NUMB: variants seen among roughly 807,000 people sequenced by gnomAD.
The protein encoded by NUMB is protein numb homolog.
A neutral mutation model predicts 59.7 loss-of-function variants in NUMB; 29 were observed. That is an observed-to-expected ratio of 0.49 (90% CI 0.36 to 0.66). The LOEUF (loss-of-function observed/expected upper bound fraction) is 0.66. NUMB is among the 30% of genes least tolerant of loss of function. The probability of loss-of-function intolerance (pLI) is 0.00; values close to 1 mark genes in which losing one functional copy is unlikely to be tolerated. For missense variants in NUMB, 723 were observed against 822.0 expected, an observed-to-expected ratio of 0.88 and a Z score of 1.47; for synonymous variants, 288 against 288.2, an observed-to-expected ratio of 1.00 and a Z score of 0.01.
chr14:73,314,434 CATCA>C, intron 6 of NUMB, among the ~76,000 whole-genome samples: 1 of 143,618 alleles, frequency 7.0e-6, no homozygotes, highest in South Asian at 2.2e-4. Flanking sequence ...CATACAAATT[CATCA>C]TGTAGCAAAA....
intron 9 of NUMB, chr14:73,284,983 G>A (rs1295950500): frequency 6.6e-6 from 1 of 152,176 alleles, no homozygotes; most frequent in African/African-American, 2.4e-5. Flanking sequence ...AAGTAGCTGG[G>A]ATTACAGGTG....
intron 1 of NUMB, among the ~76,000 whole-genome samples, chr14:73,413,077 T>A (rs1180004080): frequency 4.0e-5 from 6 of 150,914 alleles, no homozygotes; most frequent in Admixed American, 4.0e-4. Flanking sequence ...TATTTTTATT[T>A]TTATTATTTA....
chr14:73,326,028 G>A (rs1021007176), intron 4 of NUMB, among the ~76,000 whole-genome samples: 3 of 152,066 alleles, frequency 2.0e-5, no homozygotes, highest in African/African-American at 7.2e-5. Flanking sequence ...GGTAGTGCAG[G>A]CCAACCAGAG....
At chr14:73,391,498 A>G (rs1895852708) in intron 2 of NUMB, among the ~76,000 whole-genome samples, 1 of 152,146 alleles carries the variant, frequency 6.6e-6, no homozygotes. Context: ...TTGATTGTCA[A>G]TAATAAAATC....
chr14:73,360,816 A>AC (rs1338374607), intron 3 of NUMB, among the ~76,000 whole-genome samples: 2 of 152,102 alleles, frequency 1.3e-5, no homozygotes, highest in Non-Finnish European at 2.9e-5. Flanking sequence ...TCTTTATTAT[A>AC]CTACTCTTTT....
chr14:73,345,721 A>T (rs1892882976), intron 4 of NUMB, among the ~76,000 whole-genome samples: 1 of 152,078 alleles, frequency 6.6e-6, no homozygotes, highest in Non-Finnish European at 1.5e-5. Context: ...CAGCCTGGCC[A>T]ACATGGTAAA....
chr14:73,450,350 C>G (rs1416210436), intron 1 of NUMB, among the ~76,000 whole-genome samples: 4 of 152,184 alleles, frequency 2.6e-5, no homozygotes, highest in Non-Finnish European at 4.4e-5. Flanking sequence ...TGAATTTTGT[C>G]CATTCTGTCA....
intron 11 of NUMB, among the ~76,000 whole-genome samples, chr14:73,281,246 CT>C (rs571076306): frequency 0.16 from 23,346 of 145,686 alleles, 2,559 homozygotes; most frequent in Non-Finnish European, 0.24. Flanking sequence ...CTCTGAGCCT[CT>C]TTTTTTTTTT....
chr14:73,395,218 TACACAC>T (rs980459591), intron 2 of NUMB, among the ~76,000 whole-genome samples: 59 of 147,164 alleles, frequency 4.0e-4, no homozygotes, highest in Non-Finnish European at 6.2e-5. Flanking sequence ...CACACACACA[TACACAC>T]ACACTCTCTA....
intron 1 of NUMB, among the ~76,000 whole-genome samples, chr14:73,446,604 CAAAA>C (rs1281721972): frequency 2.0e-5 from 2 of 97,588 alleles, no homozygotes; most frequent in African/African-American, 3.4e-5. Context: ...GACTTTGTCT[CAAAA>C]AAAAAAAAAA....
chr14:73,323,379 A>C (rs1227398234), intron 4 of NUMB, 175 bp from the exon 5 acceptor site: 1 of 519,896 alleles, frequency 1.9e-6, no homozygotes, highest in African/African-American at 2.0e-5. Flanking sequence ...ACCTGTATTG[A>C]AATTCCTACA....
At chr14:73,372,447 A>ATATACATATAT (rs1894757481) in intron 2 of NUMB, among the ~76,000 whole-genome samples, 1 of 147,042 alleles carries the variant, frequency 6.8e-6, no homozygotes, top group Non-Finnish European at 1.5e-5. Context: ...CTATATGAAA[A>ATATACATATAT]TATACATATA....
intron 3 of NUMB, among the ~76,000 whole-genome samples, chr14:73,363,082 G>T (rs138379750): frequency 1.3e-3 from 195 of 152,256 alleles, no homozygotes; most frequent in African/African-American, 4.3e-3. Flanking sequence ...GATCACCTGA[G>T]GTCAGAAGTT....
intron 2 of NUMB, among the ~76,000 whole-genome samples, chr14:73,372,112 A>T (rs2140057508): frequency 6.6e-6 from 1 of 150,672 alleles, no homozygotes; most frequent in East Asian, 1.9e-4. Context: ...AGGAGCCTGT[A>T]ATCTCAACTA....
At chr14:73,426,313 GGCCTCTGAAGCCA>G (rs1258888964) in intron 1 of NUMB, among the ~76,000 whole-genome samples, 1 of 152,280 alleles carries the variant, frequency 6.6e-6, no homozygotes, top group East Asian at 1.9e-4. Context: ...AAAGTGGTAA[GGCCTCTGAAGCCA>G]GAGGCCTACT....
At chr14:73,373,776 C>T (rs1894815732) in intron 2 of NUMB, among the ~76,000 whole-genome samples, 4 of 149,820 alleles carry the variant, frequency 2.7e-5, no homozygotes, top group Non-Finnish European at 5.9e-5. Flanking sequence ...GATCACAGCT[C>T]ACTGTAACCT....
intron 10 of NUMB, 23 bp downstream of exon 10, chr14:73,284,058 G>A: frequency 1.2e-6 from 2 of 1,606,362 alleles, no homozygotes; most frequent in Non-Finnish European, 1.7e-6. Flanking sequence ...AGTACCCAGT[G>A]AGTCAGGTAG....
chr14:73,296,441 CAAAA>C (rs34343929), intron 7 of NUMB, among the ~76,000 whole-genome samples: 1 of 124,034 alleles, frequency 8.1e-6, no homozygotes, highest in Non-Finnish European at 1.8e-5. Flanking sequence ...AACTCCATCT[CAAAA>C]AAAAAAAAAA....
At chr14:73,352,497 TA>T (rs1566756169) in intron 4 of NUMB, among the ~76,000 whole-genome samples, 301 of 10,994 alleles carry the variant, frequency 0.027, 76 homozygotes, top group African/African-American at 0.14. Flanking sequence ...TATATATATA[TA>T]TATATATATA....
Sources: allele counts gnomAD v4.1 joint callset (sites outside exome capture counted in the v4.1 genomes callset), GRCh38; gene constraint gnomAD v4.1.1; transcripts MANE v1.5; gene names NCBI Gene and HGNC (gene_info 2026-07-23, HGNC 2026-07-21).